MTERF4: variants seen among roughly 807,000 people sequenced by gnomAD.
MTERF4 encodes mitochondrial transcription termination factor 4.
A neutral mutation model predicts 22.5 loss-of-function variants in MTERF4; 17 were observed. That is an observed-to-expected ratio of 0.75 (90% CI 0.52 to 1.13). The LOEUF (loss-of-function observed/expected upper bound fraction) is 1.13. MTERF4 is among the 50% of genes most tolerant of loss of function. MTERF4 has a pLI of 0.00. For missense variants in MTERF4, 420 were observed against 466.8 expected, an observed-to-expected ratio of 0.90 and a Z score of 0.92; for synonymous variants, 165 against 175.3, an observed-to-expected ratio of 0.94 and a Z score of 0.47.
chr2:241,063,945 C>T, the MTERF4 span: 1 of 1,200,458 alleles, frequency 8.3e-7, no homozygotes, highest in Non-Finnish European at 1.2e-6. Flanking sequence ...CTTCTTCCCG[C>T]TGTCCTCTCC....
chr2:241,085,857 TTTC>T (rs1339425841), downstream of MTERF4, among the ~76,000 whole-genome samples: 24 of 140,088 alleles, frequency 1.7e-4, no homozygotes, highest in Middle Eastern at 3.6e-3. Context: ...CTTTCTGCGG[TTTC>T]TTTTTTTTTT....
downstream of MTERF4, chr2:241,092,884 C>T (rs1235053428): frequency 1.3e-5 from 2 of 152,298 alleles, no homozygotes; most frequent in African/African-American, 2.4e-5. This position sits in a 1 kb window ranked among gnomAD's most constrained non-coding sequence, Gnocchi z 4.6. Context: ...CACCTCCTCT[C>T]GTGTTGAGCC....
intron 4 of MTERF4, among the ~76,000 whole-genome samples, chr2:241,079,411 CAAAA>C (rs757361914): frequency 1.3e-5 from 1 of 74,446 alleles, no homozygotes. Context: ...GACTCCATCT[CAAAA>C]AAAAAAAAAA....
chr2:241,045,687 A>G, the MTERF4 span, among the ~76,000 whole-genome samples: 1 of 151,130 alleles, frequency 6.6e-6, no homozygotes, highest in Non-Finnish European at 1.5e-5. Context: ...AACATAAACT[A>G]TAAGATTTTT....
downstream of MTERF4, among the ~76,000 whole-genome samples, chr2:241,089,816 G>A (rs1233435775): frequency 6.6e-6 from 1 of 152,278 alleles, no homozygotes; most frequent in Non-Finnish European, 1.5e-5. Flanking sequence ...ATGGCACCGC[G>A]TACTGCGCAC....
At chr2:241,091,696 A>G (rs2064018641), downstream of MTERF4, 1 of 152,264 alleles carries the variant, frequency 6.6e-6, no homozygotes, top group Non-Finnish European at 1.5e-5. The surrounding 1 kb of genome is among the most constrained non-coding windows in gnomAD (Gnocchi z 4.1). Flanking sequence ...ACCCAGGAAG[A>G]TGAGGTCTAA....
At chr2:241,087,994 GCATTACCAAGTGT>G, downstream of MTERF4, 2 of 393,810 alleles carry the variant, frequency 5.1e-6, no homozygotes, top group Non-Finnish European at 9.0e-6. Flanking sequence ...TACTTGTTTG[GCATTACCAAGTGT>G]CCGGGCAAGG....
chr2:241,082,869 A>G (rs1204649163), downstream of MTERF4, among the ~76,000 whole-genome samples: 3 of 151,956 alleles, frequency 2.0e-5, no homozygotes, highest in East Asian at 3.9e-4. Context: ...TCTGTCGGTC[A>G]CACAGTCCAT....
intron 4 of MTERF4, among the ~76,000 whole-genome samples, chr2:241,079,599 G>A: frequency 6.6e-6 from 1 of 152,072 alleles, no homozygotes; most frequent in African/African-American, 2.4e-5. Flanking sequence ...AGGCTTCTCT[G>A]AATGAACCTT....
the MTERF4 span, chr2:241,050,030 G>T: frequency 2.2e-6 from 2 of 910,166 alleles, no homozygotes; most frequent in Non-Finnish European, 3.6e-6. Flanking sequence ...CTTGTTTCGC[G>T]AATTGCTGAC....
chr2:241,063,027 G>A, the MTERF4 span: 52,346 of 625,138 alleles, frequency 0.084, 2,752 homozygotes, highest in East Asian at 0.22. Context: ...ATGCTTTCTC[G>A]GGCCCCTGCC....
At chr2:241,050,061 A>G in the MTERF4 span, 24 of 747,228 alleles carry the variant, frequency 3.2e-5, no homozygotes, top group Admixed American at 3.4e-4. Flanking sequence ...GCCTTGCCTG[A>G]TGTGCTGCTC....
intron 1 of MTERF4, among the ~76,000 whole-genome samples, chr2:241,101,708 CT>C (rs1324346800): frequency 6.6e-6 from 1 of 152,266 alleles, no homozygotes; most frequent in East Asian, 1.9e-4. Context: ...TCCGCTTCCT[CT>C]TAATGAAAAG....
the MTERF4 span, chr2:241,052,073 C>T: frequency 6.2e-7 from 1 of 1,613,914 alleles, no homozygotes. Context: ...TGGCCCCTGT[C>T]ACAACGGCGG....
chr2:241,087,574 G>A (rs1194365939), downstream of MTERF4: 4 of 1,467,742 alleles, frequency 2.7e-6, no homozygotes, highest in Admixed American at 2.8e-5. Context: ...CCTGTGGGCT[G>A]AGCCAGGCGG....
rs577664746 is a variant in MTERF4, at chr2:241,073,156, C to G, written n.3006G>C. 2.6e-6 allele frequency: 2 copies of G among 770,714 alleles called. No homozygotes were observed. Among genetic ancestry groups the G allele is most frequent in the East Asian group, 5.4e-5 (2 of 36,888 alleles). The allele number at this position is 770,714 out of a possible 1,614,324, so 47.7% of individuals were successfully genotyped here. ...GGCCACGCAGGGAGCCTGGTCCCCA[C>G]CAGGGACATCCGTGCTCCCTGAGAT... On this transcript the variant is annotated non_coding_transcript_exon_variant, in exon 5 of 5. Coordinates refer to the MTERF4 transcript ENST00000464344. The surrounding 1 kb of genome is among the most constrained non-coding windows in gnomAD (Gnocchi z 6.6).
downstream of MTERF4, chr2:241,067,858 C>T (rs767913756): frequency 6.2e-7 from 1 of 1,613,520 alleles, no homozygotes; most frequent in South Asian, 1.1e-5. Context: ...ATGCCACCGT[C>T]AGTGGGGTCC....
At chr2:241,089,170 T>C, downstream of MTERF4, 1 of 865,932 alleles carries the variant, frequency 1.2e-6, no homozygotes, top group Non-Finnish European at 1.7e-6. Context: ...TACAACCTGT[T>C]ACCAGTTTCA....
At chr2:241,099,308 C>G in intron 2 of MTERF4, 88 bp downstream of exon 2, 1 of 1,444,514 alleles carries the variant, frequency 6.9e-7, no homozygotes, top group Non-Finnish European at 9.4e-7. Flanking sequence ...CCCCTGACCT[C>G]AAGTGATCTG....
Sources: gnomAD v4.1 joint callset for allele counts (sites outside exome capture counted in the v4.1 genomes callset) on GRCh38, gnomAD v4.1.1 for gene constraint, Gnocchi (gnomAD v3.1) non-coding constraint, MANE v1.5 for transcripts, NCBI Gene and HGNC (gene_info 2026-07-23, HGNC 2026-07-21) for gene names.